The following ROR1 variants were observed in gnomAD, a reference collection of about 807,000 sequenced individuals.
ROR1 encodes ROR family WNT receptor 1, also known as inactive tyrosine-protein kinase transmembrane receptor ROR1.
Under a neutral mutation model 78.8 loss-of-function variants are expected in ROR1, and 19 were observed. The ratio of observed to expected loss-of-function variants is 0.24; its 90% CI spans 0.17 to 0.35. The LOEUF (loss-of-function observed/expected upper bound fraction) is 0.35, where lower values mean the gene tolerates loss of function less well. ROR1 is among the 10% of genes least tolerant of loss of function. The pLI is 1.00. For synonymous variants in ROR1, 386 were observed against 433.6 expected (o/e 0.89, Z 1.36); for missense variants, 917 against 1,177.8 (o/e 0.78, Z 3.24).
intron 1 of ROR1, among the ~76,000 whole-genome samples, chr1:63,874,677 G>A (rs189534953): frequency 1.0e-3 from 157 of 152,300 alleles, no homozygotes; most frequent in African/African-American, 3.7e-3. Context: ...TGATGAATGA[G>A]TAAGGTCCCT....
At chr1:64,165,998 G>C (rs1012674616) in intron 8 of ROR1, among the ~76,000 whole-genome samples, 5 of 152,068 alleles carry the variant, frequency 3.3e-5, no homozygotes, top group African/African-American at 1.2e-4. Flanking sequence ...GAGCCACTAG[G>C]GTTTTACATT....
At chr1:64,139,249 T>C (rs905396941) in intron 5 of ROR1, among the ~76,000 whole-genome samples, 1 of 151,736 alleles carries the variant, frequency 6.6e-6, no homozygotes, top group Non-Finnish European at 1.5e-5. Context: ...CTCTTGGAGA[T>C]TTCTAATGGG....
chr1:63,887,262 C>A (rs1259699628), intron 1 of ROR1, among the ~76,000 whole-genome samples: 1 of 152,046 alleles, frequency 6.6e-6, no homozygotes, highest in Non-Finnish European at 1.5e-5. Context: ...TGCTTGTTCA[C>A]CCTGAGTTGC....
intron 8 of ROR1, among the ~76,000 whole-genome samples, chr1:64,160,927 G>A (rs1053755283): frequency 6.6e-6 from 1 of 152,214 alleles, no homozygotes; most frequent in Non-Finnish European, 1.5e-5. Context: ...CATTGCCAGG[G>A]CAGGAACCAT....
At chr1:63,998,474 G>A (rs1032167838) in intron 1 of ROR1, among the ~76,000 whole-genome samples, 2 of 152,024 alleles carry the variant, frequency 1.3e-5, no homozygotes, top group African/African-American at 4.8e-5. Flanking sequence ...ATCTTTCAAG[G>A]AGATGCAATT....
intron 1 of ROR1, among the ~76,000 whole-genome samples, chr1:63,794,358 A>T (rs979630251): frequency 6.6e-5 from 10 of 152,168 alleles, no homozygotes; most frequent in Non-Finnish European, 1.5e-4. Context: ...AGCTCAGATG[A>T]CCATGTTCCA....
intron 1 of ROR1, among the ~76,000 whole-genome samples, chr1:63,860,037 C>T (rs1645170279): frequency 6.6e-6 from 1 of 152,092 alleles, no homozygotes. Context: ...TTCACTGAAC[C>T]CAGGCCTATT....
At chr1:63,938,434 C>A (rs1291272009) in intron 1 of ROR1, among the ~76,000 whole-genome samples, 1 of 151,994 alleles carries the variant, frequency 6.6e-6, no homozygotes, top group African/African-American at 2.4e-5. Flanking sequence ...TGCTCCAGAG[C>A]CCCCTGCACC....
chr1:63,882,738 A>G (rs1300782380), intron 1 of ROR1, among the ~76,000 whole-genome samples: 2 of 152,206 alleles, frequency 1.3e-5, no homozygotes, highest in African/African-American at 2.4e-5. Context: ...AATGATGGGC[A>G]TGAAGAGTTC....
chr1:63,774,318 CAGCGGCCGGGACGA>C lies in ROR1; in HGVS notation c.-99_-86del, dbSNP rs1476572424. 2.9e-6 allele frequency: 2 copies of C among 697,330 alleles called. No homozygotes were observed. The highest frequency in any genetic ancestry group is 4.1e-6 in the Non-Finnish European group (2 of 484,326). The allele number at this position is 697,330 out of a possible 1,614,324, so 43.2% of individuals were successfully genotyped here. On this transcript the variant is annotated 5_prime_UTR_variant, in exon 1 of 9. Transcript: ENST00000371079. The surrounding 1 kb of genome is among the most constrained non-coding windows in gnomAD (Gnocchi z 5.7). ...GACGTCCCCGGCGTCCTGCGAGCGC[CAGCGGCCGGGACGA>C]GGCGGCCGGGAGCCCGGGAAGAGCC...
chr1:63,874,794 A>G (rs1645273899), intron 1 of ROR1, among the ~76,000 whole-genome samples: 2 of 152,004 alleles, frequency 1.3e-5, no homozygotes, highest in Non-Finnish European at 2.9e-5. Context: ...AACAGCCCCA[A>G]TTTCTCCATG....
At chr1:64,083,442 G>A (rs1432524492) in intron 4 of ROR1, among the ~76,000 whole-genome samples, 6 of 151,932 alleles carry the variant, frequency 3.9e-5, no homozygotes, top group South Asian at 4.2e-4. Flanking sequence ...TGGAGGTAAT[G>A]ACAGTAGACC....
chr1:63,849,131 G>A (rs1446419418), intron 1 of ROR1, among the ~76,000 whole-genome samples: 1 of 152,086 alleles, frequency 6.6e-6, no homozygotes, highest in Non-Finnish European at 1.5e-5. Flanking sequence ...GGGTTTCTTT[G>A]CCCACTAGTT....
At chr1:63,893,479 A>G (rs72928798) in intron 1 of ROR1, among the ~76,000 whole-genome samples, 6,050 of 152,250 alleles carry the variant, frequency 0.04, 406 homozygotes, top group African/African-American at 0.14. Flanking sequence ...TGTGCTTGCT[A>G]ATATGCCATA....
intron 7 of ROR1, 48 bp from the exon 8 acceptor site, chr1:64,158,933 G>T: frequency 2.2e-6 from 3 of 1,362,780 alleles, no homozygotes; most frequent in East Asian, 2.3e-5. Context: ...TATTATGCAT[G>T]TTACTTTAAA....
chr1:64,113,190 A>G (rs1013897592), intron 4 of ROR1, among the ~76,000 whole-genome samples: 3 of 151,958 alleles, frequency 2.0e-5, no homozygotes, highest in Admixed American at 6.6e-5. Context: ...ACACTCTTTT[A>G]TAGTTATTTC....
At chr1:63,792,629 T>C (rs768106212) in intron 1 of ROR1, among the ~76,000 whole-genome samples, 1 of 152,246 alleles carries the variant, frequency 6.6e-6, no homozygotes, top group Non-Finnish European at 1.5e-5. Context: ...AGGATTATTA[T>C]GTATATTAAG....
intron 1 of ROR1, among the ~76,000 whole-genome samples, chr1:63,879,825 T>G (rs1172967622): frequency 6.6e-6 from 1 of 152,198 alleles, no homozygotes; most frequent in Non-Finnish European, 1.5e-5. Context: ...GAAACTCAAT[T>G]ATCTTTGTAG....
At chr1:63,853,754 T>C (rs1645131065) in intron 1 of ROR1, among the ~76,000 whole-genome samples, 1 of 152,218 alleles carries the variant, frequency 6.6e-6, no homozygotes, top group Non-Finnish European at 1.5e-5. Flanking sequence ...TTTCCAAATA[T>C]GAGGTTTCCT....
Sources: allele counts gnomAD v4.1 joint callset (sites outside exome capture counted in the v4.1 genomes callset), GRCh38; gene constraint gnomAD v4.1.1; non-coding constraint Gnocchi (gnomAD v3.1); transcripts MANE v1.5; gene names NCBI Gene and HGNC (gene_info 2026-07-23, HGNC 2026-07-21).